Variants in NSD2 observed in about 807,000 individuals in gnomAD.
NSD2 encodes the protein nuclear receptor binding SET domain protein 2, also known as histone-lysine N-methyltransferase NSD2.
In NSD2, 12 loss-of-function variants were observed where a neutral mutation model predicts 139.0. The observed-to-expected ratio is 0.09, with a 90% CI of 0.06 to 0.14. The LOEUF (loss-of-function observed/expected upper bound fraction) is 0.14. Among genes scored for constraint, NSD2 ranks in the 10% least tolerant of loss-of-function variants. The pLI is 1.00. For missense variants in NSD2, 1,155 were observed against 1,745.0 expected (o/e 0.66, Z 6.02); for synonymous variants, 669 against 648.7 (o/e 1.03, Z -0.48).
In NSD2 at chr4:1,918,875, C is replaced by T. The variant is rs374417585; in HGVS notation, c.1410+252C>T. The T allele has an allele frequency of 1.2e-5, 5 of 408,012 alleles. No individual in the cohort carries two copies. In the East Asian group the frequency reaches 1.9e-4, roughly 15 times the overall value. 25.3% of individuals were successfully genotyped at this position (408,012 alleles called of 1,614,324 possible). A position where few individuals can be genotyped will look rare whatever the true frequency, so the allele number is the denominator to read the frequency against. ...GAAGATACCGAGAACAGGCCAGGCA[C>T]AGTGGCTCATGCCTGTAATTTCAGT... On this transcript the variant is annotated intron_variant, in intron 5 of 21. Transcript: ENST00000508803.
intron 1 of NSD2, among the ~76,000 whole-genome samples, chr4:1,889,138 T>G (rs1715342258): frequency 6.6e-6 from 1 of 152,094 alleles, no homozygotes; most frequent in African/African-American, 2.4e-5. Flanking sequence ...CCTCAGGTGA[T>G]CCACCCGCTT....
intron 4 of NSD2, 48 bp downstream of exon 4, chr4:1,917,085 T>C: frequency 6.7e-7 from 1 of 1,497,862 alleles, no homozygotes; most frequent in Non-Finnish European, 8.9e-7. Flanking sequence ...ATTTAATTTT[T>C]ATTCTTTAAG....
intron 1 of NSD2, among the ~76,000 whole-genome samples, chr4:1,879,286 T>G (rs558076157): frequency 6.6e-6 from 1 of 152,340 alleles, no homozygotes; most frequent in South Asian, 2.1e-4. Flanking sequence ...TGGAGTGATC[T>G]CAGCTCGCTG....
intron 1 of NSD2, among the ~76,000 whole-genome samples, chr4:1,896,718 CCTTT>C (rs995129560): frequency 6.9e-6 from 1 of 145,710 alleles, no homozygotes; most frequent in Admixed American, 6.8e-5. Context: ...CTCCTTCCTT[CCTTT>C]CCTTCCTTCC....
intron 2 of NSD2, among the ~76,000 whole-genome samples, chr4:1,902,912 C>T (rs1028451487): frequency 6.6e-6 from 1 of 152,110 alleles, no homozygotes; most frequent in Non-Finnish European, 1.5e-5. Context: ...GGGTGGCTCA[C>T]ATCTGTAATC....
chr4:1,906,950 C>T (rs568442055), intron 3 of NSD2, among the ~76,000 whole-genome samples: 4 of 152,202 alleles, frequency 2.6e-5, no homozygotes, highest in South Asian at 4.2e-4. Context: ...CGTGAGCCAC[C>T]GTGCCCGGCC....
intron 3 of NSD2, among the ~76,000 whole-genome samples, chr4:1,911,603 AAAAAG>A (rs1560621383): frequency 2.0e-5 from 3 of 148,254 alleles, no homozygotes; most frequent in Admixed American, 6.7e-5. Context: ...AAAAAAAAAA[AAAAAG>A]AAAAAAAAAA....
At chr4:1,880,152 A>G (rs1056835693) in intron 1 of NSD2, among the ~76,000 whole-genome samples, 2 of 152,130 alleles carry the variant, frequency 1.3e-5, no homozygotes, top group Non-Finnish European at 2.9e-5. Context: ...TTCCCCTCCA[A>G]AATTCGGAGT....
At position 1,950,843 on chromosome 4, in the gene NSD2, A is replaced by G. The variant is rs1176069154; in HGVS notation, c.1882-229A>G. Among the ~76,000 whole-genome samples the G allele has an allele frequency of 2.0e-5, 3 of 152,242 alleles. No homozygotes were observed. The East Asian group carries it at 5.8e-4, about 29-fold the overall frequency. On this transcript the variant is annotated intron_variant, in intron 9 of 21. Transcript: ENST00000508803. ...TATATGCATATATATGCTAAATACT[A>G]GGTAGAATAAAGTCCGTTTTTGAAT...
At chr4:1,960,028 T>G (rs372061429) in intron 17 of NSD2, among the ~76,000 whole-genome samples, 36 of 152,014 alleles carry the variant, frequency 2.4e-4, no homozygotes, top group African/African-American at 7.7e-4. Flanking sequence ...GCCCTAATAA[T>G]TTTATTTTTT....
chr4:1,951,353 A>ACT, intron 10 of NSD2, 150 bp downstream of exon 10: 7 of 1,125,190 alleles, frequency 6.2e-6, no homozygotes, highest in Non-Finnish European at 8.7e-6. Flanking sequence ...AAGGGGTCAG[A>ACT]CTGACTCTCA....
chr4:1,931,619 G>A (rs1198017385), intron 6 of NSD2, among the ~76,000 whole-genome samples: 2 of 152,086 alleles, frequency 1.3e-5, no homozygotes, highest in African/African-American at 4.8e-5. Flanking sequence ...AAGGGAAGTC[G>A]GGGCCCAGAA....
chr4:1,916,559 T>G (rs1333955074), intron 3 of NSD2, among the ~76,000 whole-genome samples: 2 of 152,218 alleles, frequency 1.3e-5, no homozygotes, highest in Non-Finnish European at 2.9e-5. Flanking sequence ...TTGCCCAGGC[T>G]GGTCTCGAAA....
intron 5 of NSD2, among the ~76,000 whole-genome samples, chr4:1,926,091 G>A (rs930341970): frequency 2.0e-5 from 3 of 150,836 alleles, no homozygotes; most frequent in African/African-American, 7.3e-5. Flanking sequence ...ACATGAGCCA[G>A]TGCACCTGGC....
chr4:1,956,850 G>A lies in NSD2; in HGVS notation c.2881+662G>A, dbSNP rs1269313960. Among the ~76,000 whole-genome samples, 3 of 152,254 alleles carry A rather than the reference G, an allele frequency of 2.0e-5. No individual in the cohort carries two copies. Among genetic ancestry groups the A allele is most frequent in the South Asian group, 2.1e-4 (1 of 4,832 alleles). On this transcript the variant is annotated intron_variant, in intron 15 of 21. Transcript: ENST00000508803. The surrounding 1 kb of genome is among the most constrained non-coding windows in gnomAD (Gnocchi z 5.3). The stretch of plus-strand genomic sequence containing the variant: ...GGTCAGTGCTGGCTCCTGTGTGACT[G>A]CAGGCGGGGACCCGCGTATTTAAAG...
At chr4:1,880,218 C>A (rs966405916) in intron 1 of NSD2, among the ~76,000 whole-genome samples, 1 of 152,124 alleles carries the variant, frequency 6.6e-6, no homozygotes, top group African/African-American at 2.4e-5. Context: ...AAAGCATCTT[C>A]TTCTCATTGA....
chr4:1,942,026 ATG>A lies in NSD2; in HGVS notation c.1881+2250_1881+2251del. The stretch of plus-strand genomic sequence containing the variant: ...ACCCATTGGGTCACACCCCCTTTGC[ATG>A]TTTGTATTTCCTCCCTTTCATCACA... On this transcript the variant is annotated intron_variant, in intron 9 of 21. Coordinates refer to ENST00000508803, the MANE Select transcript of NSD2 (RefSeq NM_001042424.3). The surrounding 1 kb of genome is among the most constrained non-coding windows in gnomAD (Gnocchi z 4.0). 8.7e-7 allele frequency: 1 copy of A among 1,153,236 alleles called. No individual in the cohort carries two copies. Among genetic ancestry groups the A allele is most frequent in the Non-Finnish European group, 1.1e-6 (1 of 931,712 alleles). 71.4% of individuals were successfully genotyped at this position (1,153,236 alleles called of 1,614,324 possible).
At position 1,974,509 on chromosome 4, in the gene NSD2, C is replaced by A; in HGVS notation, c.3373-354C>A. 2.5e-6 allele frequency: 1 copy of A among 394,546 alleles called. No individual in the cohort carries two copies. Among genetic ancestry groups the A allele is most frequent in the Non-Finnish European group, 5.0e-6 (1 of 201,048 alleles). The allele number at this position is 394,546 out of a possible 1,614,324, so 24.4% of individuals were successfully genotyped here. Reference sequence around the variant, plus strand: ...GATTACAGGCGTGAGCCACTGCGCCCAGCCAGGGTGAGTCTTGTTCTTGTC... The same window carrying A: ...GATTACAGGCGTGAGCCACTGCGCCAAGCCAGGGTGAGTCTTGTTCTTGTC... On this transcript the variant is annotated intron_variant, in intron 18 of 21. Transcript: ENST00000508803. The surrounding 1 kb of genome is among the most constrained non-coding windows in gnomAD (Gnocchi z 4.0).
chr4:1,872,145 G>T (rs1393501344), intron 1 of NSD2, among the ~76,000 whole-genome samples: 1 of 151,966 alleles, frequency 6.6e-6, no homozygotes, highest in Non-Finnish European at 1.5e-5. Flanking sequence ...TGGTCAGCGC[G>T]GACGCTCCCC....
Sources: gnomAD v4.1 joint callset for allele counts (sites outside exome capture counted in the v4.1 genomes callset) on GRCh38, gnomAD v4.1.1 for gene constraint, Gnocchi (gnomAD v3.1) non-coding constraint, MANE v1.5 for transcripts, NCBI Gene and HGNC (gene_info 2026-07-23, HGNC 2026-07-21) for gene names.